The following CDCA2 variants were observed in gnomAD, a reference collection of about 807,000 sequenced individuals.
The protein encoded by CDCA2 is cell division cycle associated 2.
A neutral mutation model predicts 67.0 loss-of-function variants in CDCA2; 44 were observed. That is an observed-to-expected ratio of 0.66 (90% CI 0.52 to 0.84). The LOEUF is 0.84. Among genes scored for constraint, CDCA2 ranks in the 40% least tolerant of loss-of-function variants. The pLI, the probability that CDCA2 is intolerant of heterozygous loss-of-function variation, is 0.00. For missense variants in CDCA2, 1,253 were observed against 1,203.2 expected (o/e 1.04, Z -0.61); for synonymous variants, 447 against 418.7 (o/e 1.07, Z -0.82).
At chr8:25,503,892 C>T (rs978268902) in intron 14 of CDCA2, among the ~76,000 whole-genome samples, 6 of 151,692 alleles carry the variant, frequency 4.0e-5, no homozygotes, top group African/African-American at 1.5e-4. Context: ...TGGTGTAGTC[C>T]ATCGTTGAAA....
rs750795039 is a variant in CDCA2 at position 25,487,253 on chromosome 8, T to C, written c.1452T>C (p.Asp484=). The change falls in exon 12 of 15, where the codon GAT becomes GAC. Residue 484 remains aspartate, a synonymous_variant. Transcript: ENST00000330560. ...TTTTGTCTTGTTTATCAGGCACTGA[T>C]ACCTTTAGTTCTTCAAATAACCATG... ...SSISETLSGT[D]TFSSSNNHEK... 6.8e-6 allele frequency: 11 copies of C among 1,609,632 alleles called. No individual in the cohort carries two copies. The highest frequency in any genetic ancestry group is 9.4e-6 in the Non-Finnish European group (11 of 1,176,376).
intron 13 of CDCA2, among the ~76,000 whole-genome samples, chr8:25,501,306 G>A (rs1804466009): frequency 6.6e-6 from 1 of 152,282 alleles, no homozygotes; most frequent in South Asian, 2.1e-4. Context: ...ACATAGTTTT[G>A]TGCCATTTCT....
At chr8:25,483,886 TAA>T in intron 9 of CDCA2, 78 bp from the exon 10 acceptor site, 1 of 1,225,162 alleles carries the variant, frequency 8.2e-7, no homozygotes, top group Non-Finnish European at 1.2e-6. Flanking sequence ...ATTATCACAT[TAA>T]AAGATTCTAG....
rs1353996053 is a variant in CDCA2, at chr8:25,471,677, TG to T, written c.820+1698del. 3.9e-5 allele frequency among the ~76,000 whole-genome samples: 6 copies of T among 152,322 alleles called. No homozygotes were observed. The South Asian group carries it at 8.3e-4, about 21-fold the overall frequency. ...CCAACAGTTTCTTAACAATTCTTTT[TG>T]CTTTGCTCTTATGGGACTTTGCGTA... On this transcript the variant is annotated intron_variant, in intron 7 of 14. Transcript: ENST00000330560.
At chr8:25,475,717 T>G (rs1803322828) in intron 7 of CDCA2, among the ~76,000 whole-genome samples, 1 of 152,170 alleles carries the variant, frequency 6.6e-6, no homozygotes, top group African/African-American at 2.4e-5. Context: ...GAAGACCCAC[T>G]AACCATGTTT....
chr8:25,495,015 G>C (rs1295924905), intron 13 of CDCA2, among the ~76,000 whole-genome samples: 1 of 152,152 alleles, frequency 6.6e-6, no homozygotes, highest in African/African-American at 2.4e-5. Context: ...GAGAAAATTA[G>C]TTTCTGTTGT....
chr8:25,480,582 A>C (rs1282479287), intron 8 of CDCA2, among the ~76,000 whole-genome samples: 1 of 152,222 alleles, frequency 6.6e-6, no homozygotes, highest in Non-Finnish European at 1.5e-5. Flanking sequence ...GGAAAGAGAA[A>C]GTTGATGGGA....
chr8:25,498,277 G>A (rs535679372), intron 13 of CDCA2, among the ~76,000 whole-genome samples: 3 of 152,034 alleles, frequency 2.0e-5, no homozygotes, highest in East Asian at 1.9e-4. Flanking sequence ...GCACGATCTC[G>A]GCTCACTGCA....
intron 5 of CDCA2, among the ~76,000 whole-genome samples, chr8:25,467,011 C>T (rs1332961693): frequency 8.0e-6 from 1 of 125,594 alleles, no homozygotes; most frequent in Non-Finnish European, 1.6e-5. Flanking sequence ...TATTGCACTC[C>T]AGCCTGGGCG....
rs868136139 is a variant in CDCA2 at position 25,460,247 on chromosome 8, C to T, written c.8C>T (p.Ala3Val). The T allele has an allele frequency of 6.2e-7, 1 of 1,613,958 alleles. No homozygotes were observed. The highest frequency in any genetic ancestry group is 1.3e-5 in the African/African-American group (1 of 74,902). Residue 3 changes from alanine (A) to valine (V), a missense_variant, in exon 2 of 15, where the codon GCC becomes GTC. Transcript: ENST00000330560. Reference protein sequence around the residue: MDANSKDKPPETK... With the variant: MDVNSKDKPPETK... Reference sequence around the variant, plus strand: ...TTTTTCTTCACCTCTTAGATGGATGCCAATTCAAAAGACAAGCCCCCTGAA... The same window carrying T: ...TTTTTCTTCACCTCTTAGATGGATGTCAATTCAAAAGACAAGCCCCCTGAA...
At position 25,506,651 on chromosome 8, in the gene CDCA2, A is replaced by G. The variant is rs150351221; in HGVS notation, c.1985A>G (p.Tyr662Cys). Residue 662 changes from tyrosine (Y) to cysteine (C), a missense_variant, in exon 15 of 15, where the codon TAT becomes TGT. Transcript: ENST00000330560. ...TATGATGTCTCTGAATTCTGCTCTT[A>G]TATAAAAAGTTCCTCATCGCTTGGC... ...DKYDVSEFCS[Y>C]IKSSSSLGNA... 26 of 1,613,490 alleles carry G rather than the reference A, an allele frequency of 1.6e-5. No individual in the cohort carries two copies. Among genetic ancestry groups the G allele is most frequent in the Admixed American group, 1.3e-4 (8 of 59,892 alleles).
At chr8:25,465,630 C>T (rs1802868432) in intron 4 of CDCA2, among the ~76,000 whole-genome samples, 1 of 150,884 alleles carries the variant, frequency 6.6e-6, no homozygotes, top group Non-Finnish European at 1.5e-5. Context: ...GAAATATCCT[C>T]CAGGTCCCAT....
At chr8:25,469,423 A>G (rs1057217863) in intron 6 of CDCA2, among the ~76,000 whole-genome samples, 4 of 152,250 alleles carry the variant, frequency 2.6e-5, no homozygotes, top group African/African-American at 7.2e-5. Context: ...AACATACATC[A>G]TGATTCAGAT....
intron 7 of CDCA2, among the ~76,000 whole-genome samples, chr8:25,474,264 A>G (rs1803265156): frequency 1.3e-5 from 2 of 152,204 alleles, no homozygotes; most frequent in Non-Finnish European, 2.9e-5. Context: ...TCTTATATGT[A>G]GCAGGGTAGT....
At chr8:25,459,056 G>C (rs1563253933), upstream of CDCA2, 1 of 152,262 alleles carries the variant, frequency 6.6e-6, no homozygotes, top group African/African-American at 2.4e-5. Flanking sequence ...ACTGCAGCTC[G>C]CGGTGGTCCC....
chr8:25,465,689 G>T (rs2117481199), intron 4 of CDCA2, among the ~76,000 whole-genome samples: 1 of 152,300 alleles, frequency 6.6e-6, no homozygotes, highest in South Asian at 2.1e-4. Flanking sequence ...AGCAGTGCAA[G>T]TGTAGTATCT....
At chr8:25,493,223 AGGT>A (rs1804081843) in intron 13 of CDCA2, among the ~76,000 whole-genome samples, 1 of 152,242 alleles carries the variant, frequency 6.6e-6, no homozygotes, top group South Asian at 2.1e-4. Flanking sequence ...GAAAAGAGGC[AGGT>A]TTGGTTTTAA....
chr8:25,504,501 T>TCATGA (rs370994065), intron 14 of CDCA2, among the ~76,000 whole-genome samples: 96 of 152,302 alleles, frequency 6.3e-4, no homozygotes, highest in African/African-American at 2.3e-3. Context: ...GCTACCTTTG[T>TCATGA]CAATCATCAG....
intron 14 of CDCA2, 165 bp downstream of exon 14, chr8:25,503,709 A>G (rs1804566556): frequency 4.8e-6 from 3 of 620,600 alleles, no homozygotes; most frequent in African/African-American, 1.9e-5. Context: ...TGGAGGAAAC[A>G]GTCACGTGTA....
Sources: allele counts gnomAD v4.1 joint callset (sites outside exome capture counted in the v4.1 genomes callset), GRCh38; gene constraint gnomAD v4.1.1; transcripts MANE v1.5; gene names NCBI Gene and HGNC (gene_info 2026-07-23, HGNC 2026-07-21).